Variants in C8orf34 observed in about 807,000 individuals in gnomAD.
C8orf34 encodes the protein chromosome 8 open reading frame 34.
C8orf34 carries 65 observed loss-of-function variants against 68.3 expected under a neutral mutation model. That is an observed-to-expected ratio of 0.95 (90% CI 0.78 to 1.17). The LOEUF is 1.17. C8orf34 is among the 50% of genes most tolerant of loss of function. The pLI, the probability that C8orf34 is intolerant of heterozygous loss-of-function variation, is 0.00. For synonymous variants in C8orf34, 244 were observed against 241.2 expected, an observed-to-expected ratio of 1.01 and a Z score of -0.11; for missense variants, 664 against 655.4, an observed-to-expected ratio of 1.01 and a Z score of -0.14.
intron 7 of C8orf34, among the ~76,000 whole-genome samples, chr8:68,585,425 A>G (rs889653709): frequency 1.8e-4 from 27 of 152,188 alleles, no homozygotes; most frequent in African/African-American, 6.3e-4. Context: ...TTGGATTCTC[A>G]TGTTGGATAA....
intron 8 of C8orf34, among the ~76,000 whole-genome samples, chr8:68,649,393 A>T (rs1208066187): frequency 6.6e-6 from 1 of 152,246 alleles, no homozygotes; most frequent in African/African-American, 2.4e-5. Context: ...AAACAAGTGC[A>T]ACCCAAAATG....
rs763065641 is a variant in C8orf34, at chr8:68,558,385, AAT to A, written c.1105+25241_1105+25242del. On this transcript the variant is annotated intron_variant, in intron 7 of 13. Transcript: ENST00000518698. ...TTTCCATTAAAAATGTTGGAAAGTAAATATATGTTGATTTTTTAAATTAATGA... is the reference window on the plus strand; with the variant it reads ...TTTCCATTAAAAATGTTGGAAAGTAAATATGTTGATTTTTTAAATTAATGA... 1.6e-3 allele frequency among the ~76,000 whole-genome samples: 236 copies of A among 152,238 alleles called. 2 individuals carry two copies. The highest frequency in any genetic ancestry group is 1.8e-3 in the Non-Finnish European group (123 of 68,006).
chr8:68,679,053 C>T (rs946928648), intron 8 of C8orf34, among the ~76,000 whole-genome samples: 1 of 152,070 alleles, frequency 6.6e-6, no homozygotes, highest in African/African-American at 2.4e-5. Flanking sequence ...GTAATCTCAG[C>T]ACTTTGGGAG....
At chr8:68,595,787 TC>T (rs1817532045) in intron 7 of C8orf34, among the ~76,000 whole-genome samples, 1 of 152,146 alleles carries the variant, frequency 6.6e-6, no homozygotes, top group Admixed American at 6.6e-5. Flanking sequence ...ATCTCTTCAT[TC>T]CTCCCTGCTA....
intron 3 of C8orf34, among the ~76,000 whole-genome samples, chr8:68,451,476 C>A (rs534019294): frequency 1.1e-4 from 16 of 152,194 alleles, no homozygotes; most frequent in African/African-American, 3.6e-4. Context: ...TTTGCAGAGA[C>A]CTGCAACTCT....
At chr8:68,577,141 C>A (rs989657980) in intron 7 of C8orf34, among the ~76,000 whole-genome samples, 2 of 151,858 alleles carry the variant, frequency 1.3e-5, no homozygotes, top group African/African-American at 4.8e-5. Flanking sequence ...GTGGCAGTAA[C>A]CTAGTCAATG....
At chr8:68,554,742 T>C (rs1488004084) in intron 7 of C8orf34, among the ~76,000 whole-genome samples, 2 of 152,150 alleles carry the variant, frequency 1.3e-5, no homozygotes, top group Admixed American at 1.3e-4. Context: ...CAAAGACATT[T>C]AATGACTTGG....
At chr8:68,392,683 A>C (rs778227237) in intron 1 of C8orf34, among the ~76,000 whole-genome samples, 12 of 152,114 alleles carry the variant, frequency 7.9e-5, no homozygotes, top group Non-Finnish European at 1.5e-4. Flanking sequence ...ATATATAAAA[A>C]ATGGATAGCC....
intron 2 of C8orf34, among the ~76,000 whole-genome samples, chr8:68,440,298 C>A (rs1810847906): frequency 6.6e-6 from 1 of 152,200 alleles, no homozygotes. Context: ...TAACTAACTT[C>A]TTGTCTGATT....
At position 68,720,481 on chromosome 8, in the gene C8orf34, A is replaced by G. The variant is rs563517510; in HGVS notation, c.1328-880A>G. Among the ~76,000 whole-genome samples the G allele has an allele frequency of 5.9e-4, 90 of 152,060 alleles. 1 individual carries two copies. The highest frequency in any genetic ancestry group is 3.4e-3 in the Middle Eastern group (1 of 294). ...ATGCAACAGAAAAATCTGTCTCCAT[A>G]TGTACATAAAGCTAAAGGAAAATAT... On this transcript the variant is annotated intron_variant, in intron 9 of 13. Transcript: ENST00000518698.
chr8:68,498,950 G>T (rs892602865), intron 5 of C8orf34, among the ~76,000 whole-genome samples: 16 of 152,050 alleles, frequency 1.1e-4, no homozygotes. Flanking sequence ...ATCACTTCAG[G>T]GGGTACATGT....
intron 1 of C8orf34, among the ~76,000 whole-genome samples, chr8:68,349,312 C>T (rs1481848861): frequency 6.6e-6 from 1 of 151,946 alleles, no homozygotes; most frequent in South Asian, 2.1e-4. Flanking sequence ...GCTTTGCATC[C>T]TAGGGATGAA....
At chr8:68,493,853 A>G (rs180840236) in intron 5 of C8orf34, among the ~76,000 whole-genome samples, 2 of 152,330 alleles carry the variant, frequency 1.3e-5, no homozygotes, top group East Asian at 3.9e-4. Context: ...TCTTACCTTC[A>G]GATTCAGACA....
intron 1 of C8orf34, among the ~76,000 whole-genome samples, chr8:68,417,800 C>G (rs1246470817): frequency 6.6e-6 from 1 of 151,966 alleles, no homozygotes; most frequent in African/African-American, 2.4e-5. Context: ...TCCATATGAA[C>G]ATTAAAGTAG....
chr8:68,375,800 A>G (rs1350144268), intron 1 of C8orf34, among the ~76,000 whole-genome samples: 2 of 152,236 alleles, frequency 1.3e-5, no homozygotes, highest in African/African-American at 2.4e-5. Context: ...GAACTGGGCT[A>G]GGTGTTTTGT....
chr8:68,337,095 T>A (rs1033755255), intron 1 of C8orf34, among the ~76,000 whole-genome samples: 3 of 152,136 alleles, frequency 2.0e-5, no homozygotes, highest in Non-Finnish European at 4.4e-5. Context: ...TGAAAGATAA[T>A]TCAGGCAAGA....
chr8:68,699,111 T>C (rs1820916946), intron 8 of C8orf34, among the ~76,000 whole-genome samples: 1 of 151,942 alleles, frequency 6.6e-6, no homozygotes, highest in Non-Finnish European at 1.5e-5. Flanking sequence ...AGAAAGTCTA[T>C]GATGGAGCCC....
intron 7 of C8orf34, among the ~76,000 whole-genome samples, chr8:68,639,854 A>G (rs1439376427): frequency 6.6e-6 from 1 of 152,208 alleles, no homozygotes; most frequent in Non-Finnish European, 1.5e-5. Flanking sequence ...TTGAGAGTGA[A>G]AAAGGGGAAG....
At chr8:68,411,946 G>T (rs1012177500) in intron 1 of C8orf34, among the ~76,000 whole-genome samples, 1 of 152,200 alleles carries the variant, frequency 6.6e-6, no homozygotes, top group East Asian at 1.9e-4. Flanking sequence ...AGGTGATTAA[G>T]TCATGAGGAC....
Sources: gnomAD v4.1 joint callset for allele counts (sites outside exome capture counted in the v4.1 genomes callset) on GRCh38, gnomAD v4.1.1 for gene constraint, MANE v1.5 for transcripts, NCBI Gene and HGNC (gene_info 2026-07-23, HGNC 2026-07-21) for gene names.